OSBPL10: variants seen among roughly 807,000 people sequenced by gnomAD.
OSBPL10 encodes the protein oxysterol-binding protein-related protein 10.
OSBPL10 carries 49 observed loss-of-function variants against 81.7 expected under a neutral mutation model. The ratio of observed to expected loss-of-function variants is 0.60; its 90% CI spans 0.48 to 0.76. The LOEUF is 0.76. Ranked by LOEUF, OSBPL10 falls within the 30% of genes least tolerant of loss-of-function variation. OSBPL10 has a pLI of 0.00. For missense variants in OSBPL10, 923 were observed against 987.8 expected, an observed-to-expected ratio of 0.93 and a Z score of 0.88; for synonymous variants, 419 against 383.6, an observed-to-expected ratio of 1.09 and a Z score of -1.08.
intron 4 of OSBPL10, among the ~76,000 whole-genome samples, chr3:31,777,482 G>A (rs1029012327): frequency 1.3e-5 from 2 of 152,206 alleles, no homozygotes; most frequent in African/African-American, 2.4e-5. Flanking sequence ...GCACAGGACT[G>A]GGTTCAAGAT....
intron 1 of OSBPL10, among the ~76,000 whole-genome samples, chr3:31,907,407 A>G (rs966369259): frequency 2.0e-5 from 3 of 152,008 alleles, no homozygotes; most frequent in Non-Finnish European, 4.4e-5. Context: ...TGGGCAGATC[A>G]CTTGAGGTCA....
chr3:31,966,965 C>T (rs1698420366), intron 1 of OSBPL10, among the ~76,000 whole-genome samples: 1 of 151,446 alleles, frequency 6.6e-6, no homozygotes, highest in South Asian at 2.1e-4. Context: ...GGAACTGGAA[C>T]TTTCATGTGA....
chr3:32,020,174 T>G (rs1699348502), intron 2 of OSBPL10, among the ~76,000 whole-genome samples: 1 of 152,268 alleles, frequency 6.6e-6, no homozygotes, highest in Non-Finnish European at 1.5e-5. Context: ...TTGTTAAAAT[T>G]TATATGCCAT....
At chr3:32,013,985 G>T (rs540478957) in intron 2 of OSBPL10, among the ~76,000 whole-genome samples, 3 of 152,294 alleles carry the variant, frequency 2.0e-5, no homozygotes, top group Admixed American at 1.3e-4. Context: ...TACAGGACCA[G>T]ATGGATTCAC....
chr3:32,015,531 T>C (rs1699304500), intron 2 of OSBPL10, among the ~76,000 whole-genome samples: 1 of 152,202 alleles, frequency 6.6e-6, no homozygotes, highest in Non-Finnish European at 1.5e-5. Flanking sequence ...ATTCAGGACA[T>C]AGGCATAGGC....
chr3:31,895,451 A>G (rs2125667125), intron 1 of OSBPL10, among the ~76,000 whole-genome samples: 1 of 151,960 alleles, frequency 6.6e-6, no homozygotes, highest in South Asian at 2.1e-4. Context: ...CTTTTTTTAA[A>G]CAATCCCAAT....
At chr3:31,833,705 GCACACACA>G (rs10591808) in intron 3 of OSBPL10, among the ~76,000 whole-genome samples, 180 of 138,038 alleles carry the variant, frequency 1.3e-3, no homozygotes, top group Middle Eastern at 7.2e-3. Flanking sequence ...ACACGCACAC[GCACACACA>G]CACACACACA....
At chr3:31,913,128 T>C (rs1696638814) in intron 1 of OSBPL10, among the ~76,000 whole-genome samples, 1 of 152,196 alleles carries the variant, frequency 6.6e-6, no homozygotes, top group African/African-American at 2.4e-5. Flanking sequence ...GTGCTTTTAA[T>C]TTATACCAAG....
chr3:32,071,725 C>G (rs138782965), intron 1 of OSBPL10, among the ~76,000 whole-genome samples: 1,788 of 152,336 alleles, frequency 0.012, 20 homozygotes, highest in East Asian at 0.1. Flanking sequence ...CATATACTTT[C>G]TGCTCCCCGG....
chr3:32,053,659 T>C (rs2880041), intron 1 of OSBPL10, among the ~76,000 whole-genome samples: 133,531 of 152,170 alleles, frequency 0.88, 59,174 homozygotes, highest in East Asian at 1. Context: ...CTCTCTTGAA[T>C]AAGATTTTCA....
intron 4 of OSBPL10, chr3:31,795,400 C>T (rs923855641): frequency 6.4e-6 from 1 of 156,672 alleles, no homozygotes; most frequent in Admixed American, 6.5e-5. Flanking sequence ...CCACCTCAGC[C>T]TCCCAAAGTT....
At chr3:31,911,378 G>A (rs1224065196) in intron 1 of OSBPL10, among the ~76,000 whole-genome samples, 1 of 152,096 alleles carries the variant, frequency 6.6e-6, no homozygotes, top group Non-Finnish European at 1.5e-5. Flanking sequence ...TGGGGGTGGA[G>A]GAGTGGAATG....
intron 1 of OSBPL10, among the ~76,000 whole-genome samples, chr3:31,956,448 G>A (rs1295315084): frequency 6.6e-6 from 1 of 152,232 alleles, no homozygotes; most frequent in Non-Finnish European, 1.5e-5. Flanking sequence ...GCCGGGCATG[G>A]TGGCTCACCC....
intron 1 of OSBPL10, among the ~76,000 whole-genome samples, chr3:31,972,256 G>A (rs1698586838): frequency 6.6e-6 from 1 of 152,174 alleles, no homozygotes; most frequent in South Asian, 2.1e-4. Flanking sequence ...GGGTGTGGTG[G>A]CGGACGCCTG....
chr3:31,783,128 T>TAC (rs1332883161), intron 4 of OSBPL10, among the ~76,000 whole-genome samples: 1 of 128,478 alleles, frequency 7.8e-6, no homozygotes, highest in African/African-American at 3.2e-5. Flanking sequence ...TATATATATA[T>TAC]ATATATATAT....
chr3:31,916,725 CCT>C (rs1245389525), intron 1 of OSBPL10, among the ~76,000 whole-genome samples: 1 of 152,104 alleles, frequency 6.6e-6, no homozygotes, highest in Non-Finnish European at 1.5e-5. Flanking sequence ...TCTCTAAATC[CCT>C]GATTAATTAC....
chr3:31,990,677 C>G, intron 2 of OSBPL10: 1 of 1,614,154 alleles, frequency 6.2e-7, no homozygotes, highest in Non-Finnish European at 8.5e-7. Flanking sequence ...AGACTTCATA[C>G]TGGAGAGAAA....
At chr3:31,758,178 C>G (rs1559451827) in intron 4 of OSBPL10, among the ~76,000 whole-genome samples, 1 of 152,302 alleles carries the variant, frequency 6.6e-6, no homozygotes, top group East Asian at 1.9e-4. Context: ...TGCCTGAAGC[C>G]TGTCACCTCT....
intron 5 of OSBPL10, among the ~76,000 whole-genome samples, chr3:31,742,968 T>G (rs960201144): frequency 2.6e-5 from 4 of 151,698 alleles, no homozygotes; most frequent in African/African-American, 9.7e-5. Flanking sequence ...GAAGTAGATT[T>G]AGGAGCCACC....
Sources: gnomAD v4.1 joint callset for allele counts (sites outside exome capture counted in the v4.1 genomes callset) on GRCh38, gnomAD v4.1.1 for gene constraint, MANE v1.5 for transcripts, NCBI Gene and HGNC (gene_info 2026-07-23, HGNC 2026-07-21) for gene names.